DOCK8: variants seen among roughly 807,000 people sequenced by gnomAD.
The protein encoded by DOCK8 is dedicator of cytokinesis 8, also known as dedicator of cytokinesis protein 8.
DOCK8 carries 141 observed loss-of-function variants against 245.6 expected under a neutral mutation model. The ratio of observed to expected loss-of-function variants is 0.57; its 90% confidence interval spans 0.50 to 0.66. The LOEUF (loss-of-function observed/expected upper bound fraction) is 0.66. DOCK8 is among the 30% of genes least tolerant of loss of function. The pLI is 0.00. For missense variants in DOCK8, 2,965 were observed against 2,603.4 expected (o/e 1.14, Z -3.02); for synonymous variants, 1,168 against 970.2 (o/e 1.20, Z -3.79).
At chr9:337,685 A>C (rs549754206) in intron 12 of DOCK8, among the ~76,000 whole-genome samples, 1 of 152,346 alleles carries the variant, frequency 6.6e-6, no homozygotes, top group South Asian at 2.1e-4. Flanking sequence ...TAGACTTGTC[A>C]ACGGTATAGA....
chr9:358,596 C>A (rs2052563565), intron 14 of DOCK8, among the ~76,000 whole-genome samples: 1 of 150,994 alleles, frequency 6.6e-6, no homozygotes, highest in Admixed American at 6.6e-5. Flanking sequence ...TGCCTGTAAT[C>A]CCAACAGTTT....
chr9:331,580 A>T (rs1263368106), intron 9 of DOCK8, among the ~76,000 whole-genome samples: 1 of 152,192 alleles, frequency 6.6e-6, no homozygotes, highest in Non-Finnish European at 1.5e-5. Context: ...GACTAAATCC[A>T]CTGGTTTTAC....
chr9:224,283 A>C (rs2046944743), intron 1 of DOCK8, among the ~76,000 whole-genome samples: 1 of 152,200 alleles, frequency 6.6e-6, no homozygotes, highest in Non-Finnish European at 1.5e-5. Context: ...CCCCCGATGA[A>C]TATACCCACG....
intron 22 of DOCK8, among the ~76,000 whole-genome samples, chr9:383,995 C>G (rs776030204): frequency 6.6e-6 from 1 of 152,112 alleles, no homozygotes; most frequent in South Asian, 2.1e-4. Context: ...TTTATTCACA[C>G]CTTCTCAGTT....
chr9:369,919 C>T (rs12345796), intron 15 of DOCK8: 7,223 of 369,782 alleles, frequency 0.02, 180 homozygotes, highest in African/African-American at 0.08. Context: ...CTCTTGCCTC[C>T]GCCCCCTGAG....
chr9:253,021 G>A (rs1283060019), intron 1 of DOCK8, among the ~76,000 whole-genome samples: 3 of 152,078 alleles, frequency 2.0e-5, no homozygotes, highest in Admixed American at 6.5e-5. Context: ...TCGGAAACTA[G>A]CCTTGAACAC....
At chr9:377,254 C>G (rs1253858153) in intron 20 of DOCK8, 43 bp downstream of exon 20, 1 of 1,494,330 alleles carries the variant, frequency 6.7e-7, no homozygotes, top group East Asian at 2.4e-5. Context: ...CAGGAGCAAG[C>G]AAGCATTGCC....
chr9:272,928 T>C (rs2048202091), intron 2 of DOCK8: 1 of 528,880 alleles, frequency 1.9e-6, no homozygotes, highest in African/African-American at 2.1e-5. Context: ...ACAGCAGCAC[T>C]CTTGCTGGTT....
chr9:264,305 A>C (rs2047987301), intron 1 of DOCK8, among the ~76,000 whole-genome samples: 1 of 152,222 alleles, frequency 6.6e-6, no homozygotes, highest in Non-Finnish European at 1.5e-5. Flanking sequence ...CAAACACTTA[A>C]GTCATCTAAT....
At chr9:319,154 A>C (rs1258459549) in intron 7 of DOCK8, among the ~76,000 whole-genome samples, 2 of 152,094 alleles carry the variant, frequency 1.3e-5, no homozygotes, top group African/African-American at 4.8e-5. Flanking sequence ...CAGATGTGTT[A>C]ATTTTTAGCC....
rs34456943 is a variant in DOCK8, at chr9:251,972, CTT to C, written c.54-19637_54-19636del. Among the ~76,000 whole-genome samples, 239 of 130,590 alleles carry C rather than the reference CTT, an allele frequency of 1.8e-3. 5 individuals carry two copies. The highest frequency in any genetic ancestry group is 5.1e-3 in the African/African-American group (173 of 34,058). 85.7% of individuals were successfully genotyped at this position (130,590 alleles called of 152,430 possible). A position where few individuals can be genotyped will look rare whatever the true frequency, so the allele number is the denominator to read the frequency against. On this transcript the variant is annotated intron_variant, in intron 1 of 47. Coordinates refer to ENST00000432829, the MANE Select transcript of DOCK8 (RefSeq NM_203447.4). Reference sequence around the variant, plus strand: ...GCAGAAGCGAGAGCAATTGTGTTTTCTTTTTTTTTTTTTTTTTTTGAGATGGA... The same window carrying C: ...GCAGAAGCGAGAGCAATTGTGTTTTCTTTTTTTTTTTTTTTTTGAGATGGA...
At chr9:228,254 T>G (rs1485509499) in intron 1 of DOCK8, among the ~76,000 whole-genome samples, 1 of 152,128 alleles carries the variant, frequency 6.6e-6, no homozygotes, top group Non-Finnish European at 1.5e-5. Flanking sequence ...ATGTGTTTTA[T>G]TCCCAAAAAA....
chr9:234,275 C>G (rs983124650), intron 1 of DOCK8, among the ~76,000 whole-genome samples: 1 of 152,210 alleles, frequency 6.6e-6, no homozygotes, highest in East Asian at 1.9e-4. Context: ...AGCTCTTAGT[C>G]TGATAGGCTT....
chr9:419,073 T>A (rs1230335550), intron 30 of DOCK8, among the ~76,000 whole-genome samples: 1 of 152,158 alleles, frequency 6.6e-6, no homozygotes, highest in African/African-American at 2.4e-5. Flanking sequence ...GTGGGATTCA[T>A]CTCTGTTCAT....
At chr9:391,000 T>C (rs2054168355) in intron 24 of DOCK8, among the ~76,000 whole-genome samples, 1 of 152,234 alleles carries the variant, frequency 6.6e-6, no homozygotes, top group Admixed American at 6.5e-5. Flanking sequence ...TAAAAAGCCC[T>C]TGTATGATTC....
At position 429,737 on chromosome 9, in the gene DOCK8, G is replaced by A; in HGVS notation, c.4509G>A (p.Gln1503=). The A allele has an allele frequency of 6.8e-6, 11 of 1,614,190 alleles. No individual in the cohort carries two copies. Among genetic ancestry groups the A allele is most frequent in the Non-Finnish European group, 9.3e-6 (11 of 1,180,044 alleles). ...GDLLFEEEVE[Q]CFDLCHQVLH... ...TACTCTTTGAAGAGGAGGTGGAACA[G>A]TGTTTCGACCTATGTCACCAAGTCC... The change falls in exon 36 of 48, where the codon CAG becomes CAA. Residue 1503 remains glutamine, a synonymous_variant. Coordinates refer to ENST00000432829, the MANE Select transcript of DOCK8 (RefSeq NM_203447.4).
chr9:400,740 CCAGCAT>C (rs2054930493), intron 26 of DOCK8, among the ~76,000 whole-genome samples: 1 of 98,790 alleles, frequency 1.0e-5, no homozygotes, highest in South Asian at 3.6e-4. Context: ...TCCACCACCA[CCAGCAT>C]CTTCACCATC....
chr9:396,691 T>C, intron 24 of DOCK8, 94 bp from the exon 25 acceptor site: 3 of 1,540,778 alleles, frequency 1.9e-6, no homozygotes, highest in Non-Finnish European at 2.7e-6. Context: ...AATCCATTGT[T>C]AGAGAGCATT....
intron 18 of DOCK8, among the ~76,000 whole-genome samples, chr9:374,706 T>C (rs574548774): frequency 6.6e-6 from 1 of 151,710 alleles, no homozygotes; most frequent in South Asian, 2.1e-4. Context: ...CCTCATGTGA[T>C]CCTCCCACTT....
Sources: gnomAD v4.1 joint callset for allele counts (sites outside exome capture counted in the v4.1 genomes callset) on GRCh38, gnomAD v4.1.1 for gene constraint, MANE v1.5 for transcripts, NCBI Gene and HGNC (gene_info 2026-07-23, HGNC 2026-07-21) for gene names.